The following TAB2 variants were observed in gnomAD, a reference collection of about 807,000 sequenced individuals.
The protein encoded by TAB2 is TGF-beta activated kinase 1 (MAP3K7) binding protein 2, also known as TGF-beta-activated kinase 1 and MAP3K7-binding protein 2.
TAB2 carries 3 observed loss-of-function variants against 65.0 expected under a neutral mutation model. That is an observed-to-expected ratio of 0.05 (90% CI 0.02 to 0.12). The LOEUF (loss-of-function observed/expected upper bound fraction) is 0.12, where lower values mean the gene tolerates loss of function less well. Among genes scored for constraint, TAB2 ranks in the 10% least tolerant of loss-of-function variants. The pLI, the probability that TAB2 is intolerant of heterozygous loss-of-function variation, is 1.00. For missense variants in TAB2, 623 were observed against 840.3 expected (o/e 0.74, Z 3.20); for synonymous variants, 298 against 285.1 (o/e 1.05, Z -0.46).
At chr6:149,400,422 A>C in intron 6 of TAB2, 1 of 1,614,244 alleles carries the variant, frequency 6.2e-7, no homozygotes, top group Non-Finnish European at 8.5e-7. Flanking sequence ...AGAAGAAGTC[A>C]AGACTGAGAA....
At chr6:149,268,624 C>T (rs191296149) in intron 1 of TAB2, among the ~76,000 whole-genome samples, 2 of 152,248 alleles carry the variant, frequency 1.3e-5, no homozygotes, top group East Asian at 1.9e-4. Context: ...AATAATAACA[C>T]GAGGTGTCTT....
At chr6:149,328,442 G>T (rs965085340) in intron 1 of TAB2, among the ~76,000 whole-genome samples, 2 of 152,156 alleles carry the variant, frequency 1.3e-5, no homozygotes, top group Non-Finnish European at 2.9e-5. Flanking sequence ...GTTGGTGCGT[G>T]CCACCACGCC....
intron 1 of TAB2, among the ~76,000 whole-genome samples, chr6:149,325,829 T>G (rs1245355858): frequency 2.0e-5 from 3 of 152,212 alleles, no homozygotes; most frequent in Admixed American, 1.3e-4. Context: ...AGTCTTGACC[T>G]CCCAGGCTCA....
At chr6:149,300,324 G>A (rs1778949625) in intron 1 of TAB2, among the ~76,000 whole-genome samples, 1 of 152,210 alleles carries the variant, frequency 6.6e-6, no homozygotes, top group South Asian at 2.1e-4. Flanking sequence ...TCAATAAGAT[G>A]TGTTTGCTGA....
chr6:149,372,179 T>C (rs1781249939), intron 2 of TAB2, among the ~76,000 whole-genome samples: 1 of 150,572 alleles, frequency 6.6e-6, no homozygotes. Context: ...CTTTAAAATA[T>C]TTTCAAAAAA....
At chr6:149,391,837 G>A (rs114985544) in intron 3 of TAB2, among the ~76,000 whole-genome samples, 7 of 151,846 alleles carry the variant, frequency 4.6e-5, no homozygotes, top group African/African-American at 9.7e-5. Flanking sequence ...CATCATACCC[G>A]GCCCCTCCTT....
At chr6:149,224,134 G>C (rs963138998) in intron 1 of TAB2, among the ~76,000 whole-genome samples, 7 of 152,208 alleles carry the variant, frequency 4.6e-5, no homozygotes, top group Non-Finnish European at 8.8e-5. Flanking sequence ...ACAGTTCTCA[G>C]TGCAGTAACT....
Position 149,308,303 on chromosome 6 carries a change from G to A in TAB2, c.-120-69715G>A, listed in dbSNP as rs561917490. Among the ~76,000 whole-genome samples, 5 of 152,224 alleles carry A rather than the reference G, an allele frequency of 3.3e-5. No homozygotes were observed. In the South Asian group the frequency reaches 1.0e-3, roughly 32 times the overall value. ...AACAGCCTTGCAGGAAGCGTACACTGATTATACTCCCACTCCCAGGATACA... is the reference window on the plus strand; with the variant it reads ...AACAGCCTTGCAGGAAGCGTACACTAATTATACTCCCACTCCCAGGATACA... On this transcript the variant is annotated intron_variant, in intron 1 of 1. Transcript: ENST00000606202.
chr6:149,284,645 T>TACACACACACACACACAC (rs59723819), intron 1 of TAB2, among the ~76,000 whole-genome samples: 2 of 141,526 alleles, frequency 1.4e-5, no homozygotes, highest in Admixed American at 7.1e-5. Flanking sequence ...ATGATCTCTT[T>TACACACACACACACACAC]ACACACACAC....
intron 1 of TAB2, among the ~76,000 whole-genome samples, chr6:149,339,613 T>TTA (rs1562422817): frequency 2.1e-5 from 3 of 140,918 alleles, no homozygotes; most frequent in African/African-American, 7.9e-5. Flanking sequence ...TTATTTTTTT[T>TTA]TTTTTTTGAG....
At position 149,378,912 on chromosome 6, in the gene TAB2, C is replaced by T. The variant is rs373133434; in HGVS notation, c.997C>T (p.Pro333Ser). The T allele has an allele frequency of 2.2e-5, 36 of 1,614,006 alleles. No individual in the cohort carries two copies. The highest frequency in any genetic ancestry group is 2.7e-5 in the Non-Finnish European group (32 of 1,180,046). Residue 333 changes from proline to serine, a missense_variant, in exon 3 of 7, where the codon CCA becomes TCA. This residue lies in a region of TAB2 where 550 missense variants were observed against 665.7 expected (regional missense o/e 0.83). Transcript: ENST00000637181. ...KNQIEIKLEPPQRNNSSKLRS... is the reference protein window; with the variant it reads ...KNQIEIKLEPSQRNNSSKLRS... ...CCAGATTGAAATCAAACTTGAACCCCCACAAAGAAATAATTCTTCAAAACT... is the reference window on the plus strand; with the variant it reads ...CCAGATTGAAATCAAACTTGAACCCTCACAAAGAAATAATTCTTCAAAACT...
At chr6:149,253,747 C>A (rs1367344390) in intron 1 of TAB2, among the ~76,000 whole-genome samples, 1 of 151,010 alleles carries the variant, frequency 6.6e-6, no homozygotes, top group African/African-American at 2.4e-5. Flanking sequence ...CATGGTGAAA[C>A]CCCGTCTCTG....
rs77159351 is a variant in TAB2 at position 149,311,547 on chromosome 6, C to T, written c.-120-66471C>T. Among the ~76,000 whole-genome samples the T allele has an allele frequency of 1.4e-4, 21 of 152,334 alleles. No homozygotes were observed. The East Asian group carries it at 4.0e-3, about 29-fold the overall frequency. The stretch of plus-strand genomic sequence containing the variant: ...GTCAGAAGATCTATTCAAAGCCCCA[C>T]TGTTCATTTACTAGTTGTTTTAGAT... On this transcript the variant is annotated intron_variant, in intron 1 of 1. Coordinates refer to the TAB2 transcript ENST00000606202.
chr6:149,266,380 C>T (rs778252712), intron 1 of TAB2, among the ~76,000 whole-genome samples: 5 of 152,184 alleles, frequency 3.3e-5, no homozygotes, highest in Non-Finnish European at 7.3e-5. Context: ...CCTTAGTAGA[C>T]ATGAATATGC....
intron 1 of TAB2, among the ~76,000 whole-genome samples, chr6:149,332,018 T>A (rs1032460228): frequency 1.3e-5 from 2 of 152,228 alleles, no homozygotes; most frequent in South Asian, 4.1e-4. Flanking sequence ...TGGGAAGGAA[T>A]TGCTGATGAA....
chr6:149,303,700 GATTT>G (rs1303244631), intron 1 of TAB2, among the ~76,000 whole-genome samples: 3 of 152,182 alleles, frequency 2.0e-5, no homozygotes, highest in African/African-American at 7.2e-5. Flanking sequence ...ATCCACAACA[GATTT>G]ATTTGTACCT....
chr6:149,324,646 A>G (rs1338854870), intron 1 of TAB2, among the ~76,000 whole-genome samples: 2 of 152,058 alleles, frequency 1.3e-5, no homozygotes, highest in African/African-American at 4.8e-5. Flanking sequence ...CAATGAGAGA[A>G]AAATACTTGC....
chr6:149,276,696 C>A (rs1178589777), intron 1 of TAB2, among the ~76,000 whole-genome samples: 1 of 152,128 alleles, frequency 6.6e-6, no homozygotes, highest in African/African-American at 2.4e-5. Flanking sequence ...AAAATAGGCA[C>A]CTTCATACAT....
chr6:149,401,406 A>C (rs899715848), intron 6 of TAB2: 39 of 156,324 alleles, frequency 2.5e-4, no homozygotes, highest in African/African-American at 9.1e-4. Flanking sequence ...AAAGAAATCA[A>C]AAGTGGCTAT....
Sources: gnomAD v4.1 joint callset for allele counts (sites outside exome capture counted in the v4.1 genomes callset) on GRCh38, gnomAD v4.1.1 for gene constraint, gnomAD v4.1.1 regional missense constraint, MANE v1.5 for transcripts, NCBI Gene and HGNC (gene_info 2026-07-23, HGNC 2026-07-21) for gene names.